CDH10: variants seen among roughly 807,000 people sequenced by gnomAD.
The protein encoded by CDH10 is cadherin-10.
CDH10 carries 30 observed loss-of-function variants against 73.1 expected under a neutral mutation model. The observed-to-expected ratio is 0.41, with a 90% CI of 0.31 to 0.56. The LOEUF (loss-of-function observed/expected upper bound fraction) is 0.56. CDH10 is among the 20% of genes least tolerant of loss of function. The probability of loss-of-function intolerance (pLI) is 0.27; values close to 1 mark genes in which losing one functional copy is unlikely to be tolerated. For missense variants in CDH10, 815 were observed against 973.7 expected (o/e 0.84, Z 2.17); for synonymous variants, 345 against 348.2 (o/e 0.99, Z 0.10).
chr5:24,533,275 C>T (rs546722638), intron 5 of CDH10, among the ~76,000 whole-genome samples: 1 of 151,620 alleles, frequency 6.6e-6, no homozygotes, highest in South Asian at 2.1e-4. Flanking sequence ...TGCAGTGAGC[C>T]AAGATCACAC....
chr5:24,580,080 TATATA>T (rs1229385612), intron 2 of CDH10, among the ~76,000 whole-genome samples: 1 of 152,240 alleles, frequency 6.6e-6, no homozygotes, highest in East Asian at 1.9e-4. Context: ...AAAAACTCCA[TATATA>T]ATACTTGAGA....
chr5:24,550,368 T>C (rs1934050478), intron 2 of CDH10, among the ~76,000 whole-genome samples: 1 of 152,026 alleles, frequency 6.6e-6, no homozygotes, highest in Admixed American at 6.6e-5. Context: ...GGCTTATACA[T>C]CTGGCTATAA....
chr5:24,509,968 T>G, intron 6 of CDH10, 149 bp from the exon 7 acceptor site: 1 of 568,402 alleles, frequency 1.8e-6, no homozygotes, highest in Non-Finnish European at 3.0e-6. Context: ...AATAATATAA[T>G]CTTCATGTTT....
At chr5:24,626,565 C>A (rs1747506965) in intron 1 of CDH10, among the ~76,000 whole-genome samples, 1 of 151,920 alleles carries the variant, frequency 6.6e-6, no homozygotes, top group Non-Finnish European at 1.5e-5. Flanking sequence ...TTGAGAAACA[C>A]TATTTTATAT....
At chr5:24,500,099 A>T (rs1742436498) in intron 8 of CDH10, among the ~76,000 whole-genome samples, 1 of 152,240 alleles carries the variant, frequency 6.6e-6, no homozygotes, top group Admixed American at 6.5e-5. Flanking sequence ...TGTAAAATTT[A>T]TCTGACGTCT....
At chr5:24,618,337 A>G (rs1231467522) in intron 1 of CDH10, among the ~76,000 whole-genome samples, 2 of 152,238 alleles carry the variant, frequency 1.3e-5, no homozygotes, top group Admixed American at 1.3e-4. Flanking sequence ...GTTGCAGAGT[A>G]AATCATGTAA....
At chr5:24,630,321 G>A (rs1489927389) in intron 1 of CDH10, among the ~76,000 whole-genome samples, 1 of 151,978 alleles carries the variant, frequency 6.6e-6, no homozygotes, top group Non-Finnish European at 1.5e-5. Context: ...CCCAGCTGAG[G>A]CCGGCAGATC....
At chr5:24,566,354 A>G (rs1166777659) in intron 2 of CDH10, among the ~76,000 whole-genome samples, 2 of 152,160 alleles carry the variant, frequency 1.3e-5, no homozygotes, top group Non-Finnish European at 2.9e-5. Context: ...GGCCCCTAGC[A>G]TGTTTTAAAT....
At chr5:24,640,541 A>C (rs1748014568) in intron 1 of CDH10, among the ~76,000 whole-genome samples, 1 of 151,748 alleles carries the variant, frequency 6.6e-6, no homozygotes. Context: ...TTGAAAAAAA[A>C]AAAGAAAAGA....
chr5:24,643,865 ATTAAT>A (rs1313395545), intron 1 of CDH10, among the ~76,000 whole-genome samples: 2 of 152,168 alleles, frequency 1.3e-5, no homozygotes, highest in East Asian at 3.9e-4. Context: ...AATATGCTGC[ATTAAT>A]TTAACAACAC....
chr5:24,550,654 T>C (rs1345013291), intron 2 of CDH10, among the ~76,000 whole-genome samples: 3 of 152,150 alleles, frequency 2.0e-5, no homozygotes, highest in African/African-American at 7.2e-5. Flanking sequence ...ATTTTTACAA[T>C]TTGGGTAAGA....
chr5:24,619,552 G>A (rs576395766), intron 1 of CDH10, among the ~76,000 whole-genome samples: 77 of 152,278 alleles, frequency 5.1e-4, no homozygotes, highest in African/African-American at 1.7e-3. Flanking sequence ...ATGCTGGAAC[G>A]AGTTAAGATT....
intron 5 of CDH10, among the ~76,000 whole-genome samples, chr5:24,531,887 C>T (rs141847074): frequency 8.5e-4 from 129 of 152,172 alleles, no homozygotes; most frequent in African/African-American, 3.0e-3. Context: ...CACTTAGATG[C>T]TACTGGGATA....
At chr5:24,489,628 C>A (rs1741977075) in intron 11 of CDH10, among the ~76,000 whole-genome samples, 1 of 152,032 alleles carries the variant, frequency 6.6e-6, no homozygotes. Context: ...GTTCATTTCC[C>A]TCTTTTTTGA....
intron 2 of CDH10, among the ~76,000 whole-genome samples, chr5:24,555,618 G>A (rs138780498): frequency 3.9e-5 from 6 of 152,202 alleles, no homozygotes; most frequent in East Asian, 3.9e-4. Context: ...CCAGGAAACC[G>A]TCAAGAGAAC....
At chr5:24,562,110 TAATA>T (rs1245226373) in intron 2 of CDH10, among the ~76,000 whole-genome samples, 1 of 152,050 alleles carries the variant, frequency 6.6e-6, no homozygotes, top group East Asian at 1.9e-4. Flanking sequence ...TATAAATCTT[TAATA>T]TATATATTGT....
At position 24,535,152 on chromosome 5, in the gene CDH10, C is replaced by T. The variant is rs188355658; in HGVS notation, c.774G>A (p.Thr258=). ...GTGGGTTGTCATTGACATCTGTCAG[C>T]GTGATGTTCACAGTGGTTGTCCCCG... ...GLSGTTTVNI[T]LTDVNDNPPR... Residue 258 remains threonine (T), a synonymous_variant, in exon 5 of 12, where the codon ACG becomes ACA. Transcript: ENST00000264463. 25 of 1,612,744 alleles carry T rather than the reference C, an allele frequency of 1.6e-5. No homozygotes were observed. The Admixed American group carries it at 1.8e-4, about 12-fold the overall frequency.
intron 2 of CDH10, among the ~76,000 whole-genome samples, chr5:24,556,653 T>A (rs1251500667): frequency 6.6e-6 from 1 of 151,774 alleles, no homozygotes; most frequent in African/African-American, 2.4e-5. Context: ...CTTTTTTGGT[T>A]AAACTAACCA....
At chr5:24,505,709 C>T (rs1742673976) in intron 7 of CDH10, among the ~76,000 whole-genome samples, 2 of 152,184 alleles carry the variant, frequency 1.3e-5, no homozygotes, top group South Asian at 4.1e-4. Flanking sequence ...AGACTATCAA[C>T]TTATTATGGT....
Sources: gnomAD v4.1 joint callset for allele counts (sites outside exome capture counted in the v4.1 genomes callset) on GRCh38, gnomAD v4.1.1 for gene constraint, MANE v1.5 for transcripts, NCBI Gene and HGNC (gene_info 2026-07-23, HGNC 2026-07-21) for gene names.